COL5A3: variants seen among roughly 807,000 people sequenced by gnomAD.
COL5A3 encodes the protein collagen type V alpha 3 chain.
COL5A3 carries 172 observed loss-of-function variants against 250.0 expected under a neutral mutation model. The observed-to-expected ratio is 0.69, with a 90% CI of 0.61 to 0.78. COL5A3 has a LOEUF of 0.78. Ranked by LOEUF, COL5A3 falls within the 30% of genes least tolerant of loss-of-function variation. The pLI, the probability that COL5A3 is intolerant of heterozygous loss-of-function variation, is 0.00. For missense variants in COL5A3, 2,340 were observed against 2,334.4 expected (o/e 1.00, Z -0.05); for synonymous variants, 937 against 900.4 (o/e 1.04, Z -0.73).
chr19:9,983,641 GAGAA>G (rs1325753968), intron 31 of COL5A3, among the ~76,000 whole-genome samples: 25 of 141,412 alleles, frequency 1.8e-4, no homozygotes, highest in African/African-American at 3.9e-4. Context: ...AAGAGAGAGA[GAGAA>G]AGAAAGACAG....
chr19:9,994,556 TTACATA>T (rs1568426310), intron 16 of COL5A3, among the ~76,000 whole-genome samples: 1 of 83,786 alleles, frequency 1.2e-5, no homozygotes, highest in Non-Finnish European at 2.5e-5. Context: ...CATATATGTT[TTACATA>T]TATATATATA....
Position 9,966,343 on chromosome 19 carries a change from A to T in COL5A3, c.4753T>A (p.Cys1585Ser). 1 of 1,606,502 alleles carries T rather than the reference A, an allele frequency of 6.2e-7. No individual in the cohort carries two copies. The highest frequency in any genetic ancestry group is 8.5e-7 in the Non-Finnish European group (1 of 1,175,954). ...FCNFTAGGET[C>S]LYPDKKFEIV... ...TCAAACTTCTTGTCGGGATAGAGGC[A>T]GGTCTCTCCTCCCGCCGTGAAGTTG... Residue 1585 changes from cysteine (C) to serine (S), a missense_variant, in exon 64 of 67, where the codon TGC becomes AGC. By Grantham distance (112) the Cys-to-Ser change is moderately radical. This residue lies in a region of COL5A3 where 1,179 missense variants were observed against 1,162.6 expected (regional missense o/e 1.01). Transcript: ENST00000264828.
At chr19:9,986,474 G>A (rs759721536) in intron 29 of COL5A3, 52 bp from the exon 30 acceptor site, 1 of 1,606,604 alleles carries the variant, frequency 6.2e-7, no homozygotes, top group South Asian at 1.1e-5. Flanking sequence ...TTCCTGCTCT[G>A]TCTAGCCCCA....
At chr19:9,999,529 G>A (rs558455425) in intron 8 of COL5A3, among the ~76,000 whole-genome samples, 2 of 145,114 alleles carry the variant, frequency 1.4e-5, no homozygotes, top group Middle Eastern at 3.6e-3. Context: ...GTGCAGTGGC[G>A]TGGTCTCGGC....
At position 9,968,240 on chromosome 19, in the gene COL5A3, T is replaced by A; in HGVS notation, c.4314+145A>T. 1 of 968,844 alleles carries A rather than the reference T, an allele frequency of 1.0e-6. No homozygotes were observed. The highest frequency in any genetic ancestry group is 2.5e-5 in the East Asian group (1 of 39,246). The allele number at this position is 968,844 out of a possible 1,614,324, so 60.0% of individuals were successfully genotyped here. A position where few individuals can be genotyped will look rare whatever the true frequency, so the allele number is the denominator to read the frequency against. On this transcript the variant is annotated intron_variant, in intron 59 of 66. Coordinates refer to ENST00000264828, the MANE Select transcript of COL5A3 (RefSeq NM_015719.4). The surrounding 1 kb of genome is among the most constrained non-coding windows in gnomAD (Gnocchi z 4.1). The stretch of plus-strand genomic sequence containing the variant: ...CCAAACCCCAGACGCAGCCTCCAAC[T>A]TGCCAGTTCCCAGATACATCCCCCT...
rs2086788094 is a variant in COL5A3 at position 9,968,608 on chromosome 19, C to A, written c.4206+67G>T. 5 of 1,582,962 alleles carry A rather than the reference C, an allele frequency of 3.2e-6. No homozygotes were observed. The highest frequency in any genetic ancestry group is 1.1e-5 in the South Asian group (1 of 90,176). On this transcript the variant is annotated intron_variant, in intron 58 of 66. Coordinates refer to ENST00000264828, the MANE Select transcript of COL5A3 (RefSeq NM_015719.4). The surrounding 1 kb of genome is among the most constrained non-coding windows in gnomAD (Gnocchi z 4.1). Reference sequence around the variant, plus strand: ...CAGAGGATGCACCAATCTCCCAGCCCCCCAGCCAGGGAGGGAGGGAAAGAG... The same window carrying A: ...CAGAGGATGCACCAATCTCCCAGCCACCCAGCCAGGGAGGGAGGGAAAGAG...
In COL5A3 at chr19:10,006,097, T is replaced by C. The variant is rs975472230; in HGVS notation, c.223A>G (p.Ile75Val). Residue 75 changes from isoleucine (I) to valine (V), a missense_variant, in exon 2 of 67, where the codon ATC (isoleucine) becomes GTC (valine). Physicochemically the swap from Ile to Val is conservative, Grantham distance 29 (BLOSUM62 3). Around this residue, in one of 3 missense-constraint regions of COL5A3, gnomAD observed 1,152 missense variants for 1,146.3 expected, o/e 1.00. Transcript: ENST00000264828. ...CCTGGAAAGAGTTCCCACGTGGGGA[T>C]GCCGAGCGTGCTGGCCTGGCCAATT... ...FRIGQASTLG[I>V]PTWELFPEGH... 4.3e-6 allele frequency: 7 copies of C among 1,613,894 alleles called. No homozygotes were observed. Among genetic ancestry groups the C allele is most frequent in the Admixed American group, 3.3e-5 (2 of 59,982 alleles).
In COL5A3 at chr19:9,987,756, G is replaced by GAAT. The variant is rs541007563; in HGVS notation, c.2146-1001_2146-999dup. Reference sequence around the variant, plus strand: ...GTAACAGAGTGAGACCCTGTCTCAAGAATAATAATAATAATAATCAAATGA... The same window carrying GAAT: ...GTAACAGAGTGAGACCCTGTCTCAAGAATAATAATAATAATAATAATCAAATGA... On this transcript the variant is annotated intron_variant, in intron 27 of 66. Transcript: ENST00000264828. 4.2e-3 allele frequency among the ~76,000 whole-genome samples: 642 copies of GAAT among 151,574 alleles called. 1 individual carries two copies. Among genetic ancestry groups the GAAT allele is most frequent in the Non-Finnish European group, 6.7e-3 (452 of 67,852 alleles).
chr19:10,008,724 A>G (rs999142221), intron 1 of COL5A3, among the ~76,000 whole-genome samples: 2 of 152,108 alleles, frequency 1.3e-5, no homozygotes, highest in Admixed American at 6.6e-5. Flanking sequence ...TTTGGCTTCT[A>G]ATGGAGGGAT....
At chr19:9,985,807 A>G in intron 31 of COL5A3, 35 bp downstream of exon 31, 2 of 1,588,582 alleles carry the variant, frequency 1.3e-6, no homozygotes, top group Non-Finnish European at 1.7e-6. Context: ...AATCCTGCCC[A>G]TATCCATCTC....
intron 8 of COL5A3, among the ~76,000 whole-genome samples, chr19:10,000,452 CTTTT>C (rs576119335): frequency 0.024 from 1,532 of 62,700 alleles, 49 homozygotes; most frequent in African/African-American, 0.091. Context: ...CCAGAGAGCT[CTTTT>C]TTTTTTTTTT....
intron 48 of COL5A3, 31 bp from the exon 49 acceptor site, chr19:9,973,840 C>G (rs1045389845): frequency 1.2e-6 from 2 of 1,612,374 alleles, no homozygotes; most frequent in Non-Finnish European, 1.7e-6. Context: ...AAGAGTGGGA[C>G]TGTGGAATCC....
In COL5A3 at chr19:9,971,185, G is replaced by A. The variant is rs778906579; in HGVS notation, c.3828+20C>T. ...CAGAATTAGGAAATATGCCAGGATTGGGGAGGGGGTCACACTCACTGAAAC... is the reference window on the plus strand; with the variant it reads ...CAGAATTAGGAAATATGCCAGGATTAGGGAGGGGGTCACACTCACTGAAAC... On this transcript the variant is annotated intron_variant, in intron 52 of 66. Transcript: ENST00000264828. The A allele has an allele frequency of 6.5e-7, 1 of 1,547,146 alleles. No individual in the cohort carries two copies. The highest frequency in any genetic ancestry group is 8.7e-7 in the Non-Finnish European group (1 of 1,152,484).
At chr19:9,977,020 G>A (rs8109238) in intron 44 of COL5A3, among the ~76,000 whole-genome samples, 50,408 of 151,924 alleles carry the variant, frequency 0.33, 8,780 homozygotes, top group South Asian at 0.44. Flanking sequence ...AGCCCCAGCT[G>A]TCCCTATCCT....
At position 9,978,965 on chromosome 19, in the gene COL5A3, G is replaced by T; in HGVS notation, c.2890C>A (p.Pro964Thr). 4.5e-6 allele frequency: 7 copies of T among 1,538,722 alleles called. No homozygotes were observed. Among genetic ancestry groups the T allele is most frequent in the Non-Finnish European group, 5.2e-6 (6 of 1,146,362 alleles). Residue 964 changes from proline (P) to threonine (T), a missense_variant, in exon 40 of 67, where the codon CCA becomes ACA. This residue lies in a region of COL5A3 where 1,179 missense variants were observed against 1,162.6 expected (regional missense o/e 1.01). Coordinates refer to ENST00000264828, the MANE Select transcript of COL5A3 (RefSeq NM_015719.4). ...REGAKGELGP[P>T]GPLGKEGPAG... The stretch of plus-strand genomic sequence containing the variant: ...GGCCCTTCTTTCCCAAGGGGTCCTG[G>T]TGGTCCCAGTTCCCCCTACAGGAGT...
chr19:9,963,005 T>C (rs1262548422), intron 64 of COL5A3, 118 bp from the exon 65 acceptor site: 1 of 756,014 alleles, frequency 1.3e-6, no homozygotes, highest in African/African-American at 1.7e-5. Context: ...TTCTCTGGCT[T>C]CTGGGATGGA....
chr19:9,969,842 A>T, intron 55 of COL5A3, 27 bp downstream of exon 55: 1 of 1,612,426 alleles, frequency 6.2e-7, no homozygotes, highest in Non-Finnish European at 8.5e-7. Flanking sequence ...TAGTGCAGGG[A>T]CCCTTCCCCT....
At chr19:9,978,826 T>C in intron 40 of COL5A3, 65 bp downstream of exon 40, 1 of 748,176 alleles carries the variant, frequency 1.3e-6, no homozygotes, top group South Asian at 2.6e-5. Context: ...TCCCCATCCC[T>C]CCCCTGACCC....
intron 8 of COL5A3, among the ~76,000 whole-genome samples, chr19:10,001,039 C>T (rs1158102160): frequency 6.6e-6 from 1 of 152,064 alleles, no homozygotes; most frequent in East Asian, 1.9e-4. Flanking sequence ...CAACAAAACC[C>T]CATGACACAA....
Sources: allele counts gnomAD v4.1 joint callset (sites outside exome capture counted in the v4.1 genomes callset), GRCh38; gene constraint gnomAD v4.1.1; regional missense constraint gnomAD v4.1.1; non-coding constraint Gnocchi (gnomAD v3.1); transcripts MANE v1.5; gene names NCBI Gene and HGNC (gene_info 2026-07-23, HGNC 2026-07-21).